The following GLIS3 variants were observed in gnomAD, a reference collection of about 807,000 sequenced individuals.
GLIS3 encodes zinc finger protein GLIS3.
Under a neutral mutation model 78.6 loss-of-function variants are expected in GLIS3, and 53 were observed. The observed-to-expected ratio is 0.67, with a 90% CI of 0.54 to 0.85. The LOEUF (loss-of-function observed/expected upper bound fraction) is 0.85, where lower values mean the gene tolerates loss of function less well. Ranked by LOEUF, GLIS3 falls within the 40% of genes least tolerant of loss-of-function variation. The pLI is 0.00. For missense variants in GLIS3, 1,703 were observed against 1,231.1 expected (o/e 1.38, Z -5.74); for synonymous variants, 684 against 509.9 (o/e 1.34, Z -4.60).
At chr9:3,848,752 G>T (rs1054677233) in intron 9 of GLIS3, among the ~76,000 whole-genome samples, 1 of 152,152 alleles carries the variant, frequency 6.6e-6, no homozygotes, top group Non-Finnish European at 1.5e-5. Context: ...CTCTTTGGTG[G>T]GACAAGCCAT....
intron 2 of GLIS3, among the ~76,000 whole-genome samples, chr9:4,330,142 G>C (rs1047907719): frequency 2.6e-5 from 4 of 152,006 alleles, no homozygotes; most frequent in Non-Finnish European, 5.9e-5. Flanking sequence ...ACCCACATCA[G>C]AAATAATGGT....
At chr9:4,364,436 TTCAA>T in the GLIS3 span, among the ~76,000 whole-genome samples, 1,082 of 152,278 alleles carry the variant, frequency 7.1e-3, 17 homozygotes, top group African/African-American at 0.024. Context: ...GTTAAATTGC[TTCAA>T]TAAATGATAA....
intron 1 of GLIS3, among the ~76,000 whole-genome samples, chr9:4,295,765 A>G (rs1276725690): frequency 1.3e-5 from 2 of 152,338 alleles, no homozygotes; most frequent in Admixed American, 6.5e-5. Context: ...TTCCGTAAGG[A>G]TATTTCATCT....
Position 4,178,735 on chromosome 9 carries a change from T to C in GLIS3, c.389-52794A>G, listed in dbSNP as rs568380265. On this transcript the variant is annotated intron_variant, in intron 2 of 10. Transcript: ENST00000381971. ...CGTATAGAATTTTTCCTGATGTATATAGGTTGATCAGAAGTCTTTCACTGA... is the reference window on the plus strand; with the variant it reads ...CGTATAGAATTTTTCCTGATGTATACAGGTTGATCAGAAGTCTTTCACTGA... Among the ~76,000 whole-genome samples the C allele has an allele frequency of 9.2e-5, 14 of 152,334 alleles. No individual in the cohort carries two copies. The East Asian group carries it at 1.3e-3, about 15-fold the overall frequency.
intron 1 of GLIS3, among the ~76,000 whole-genome samples, chr9:4,289,751 G>T (rs996651805): frequency 6.6e-6 from 1 of 152,122 alleles, no homozygotes; most frequent in Non-Finnish European, 1.5e-5. Flanking sequence ...GGCATAGCTA[G>T]AGTTTTATAC....
intron 2 of GLIS3, 30 bp from the exon 3 acceptor site, chr9:4,125,971 A>G (rs1397173866): frequency 1.3e-6 from 2 of 1,541,350 alleles, no homozygotes; most frequent in Non-Finnish European, 1.8e-6. Flanking sequence ...GTTAGCTTTC[A>G]TGTCCCTTAC....
At chr9:4,306,730 C>G (rs1446066703) in intron 4 of GLIS3, among the ~76,000 whole-genome samples, 1 of 152,216 alleles carries the variant, frequency 6.6e-6, no homozygotes, top group African/African-American at 2.4e-5. Context: ...TGTTATGACT[C>G]CTACCTTGGA....
At chr9:4,203,709 GC>G (rs777764641) in intron 2 of GLIS3, among the ~76,000 whole-genome samples, 35 of 152,170 alleles carry the variant, frequency 2.3e-4, no homozygotes, top group Non-Finnish European at 3.7e-4. Flanking sequence ...GAACCTAGGT[GC>G]CCCCGTCAGT....
intron 4 of GLIS3, among the ~76,000 whole-genome samples, chr9:3,951,421 A>T (rs908506063): frequency 6.6e-6 from 1 of 151,992 alleles, no homozygotes; most frequent in Non-Finnish European, 1.5e-5. Flanking sequence ...CAAGGCATCC[A>T]TGAGCTACAG....
chr9:4,196,942 C>T (rs1185746024), intron 2 of GLIS3, among the ~76,000 whole-genome samples: 3 of 150,674 alleles, frequency 2.0e-5, no homozygotes, highest in Non-Finnish European at 3.0e-5. Flanking sequence ...CCGCTCCACC[C>T]CTAGGCAGAA....
the GLIS3 span, among the ~76,000 whole-genome samples, chr9:4,455,309 C>G: frequency 1.3e-5 from 2 of 152,104 alleles, no homozygotes; most frequent in African/African-American, 2.4e-5. Flanking sequence ...AATGTGTCAC[C>G]ACACTCTTTG....
chr9:4,297,202 C>A (rs1816611318), intron 1 of GLIS3, among the ~76,000 whole-genome samples: 1 of 152,144 alleles, frequency 6.6e-6, no homozygotes. Flanking sequence ...TGGCTTACTC[C>A]CAAGGCAGAA....
At chr9:3,988,963 T>C (rs937544380) in intron 4 of GLIS3, among the ~76,000 whole-genome samples, 26 of 152,150 alleles carry the variant, frequency 1.7e-4, no homozygotes, top group Admixed American at 2.0e-4. Flanking sequence ...GGGAAGAAGA[T>C]GAAAATACAG....
chr9:4,079,392 C>T (rs1158915951), intron 4 of GLIS3, among the ~76,000 whole-genome samples: 1 of 152,156 alleles, frequency 6.6e-6, no homozygotes, highest in Non-Finnish European at 1.5e-5. Context: ...ATGCTGCCTC[C>T]TTAAACTGCA....
chr9:4,247,170 G>C (rs7035186), intron 2 of GLIS3, among the ~76,000 whole-genome samples: 117,591 of 152,112 alleles, frequency 0.77, 46,484 homozygotes, highest in East Asian at 0.98. Context: ...AGTATCTCAA[G>C]TCTCCACAAA....
intron 4 of GLIS3, among the ~76,000 whole-genome samples, chr9:4,116,922 G>C (rs1831690187): frequency 6.6e-6 from 1 of 152,190 alleles, no homozygotes. Context: ...TCCCAAGGGT[G>C]ATGCCCTGTT....
At chr9:4,217,773 A>T (rs911488) in intron 2 of GLIS3, among the ~76,000 whole-genome samples, 2 of 152,124 alleles carry the variant, frequency 1.3e-5, no homozygotes, top group East Asian at 1.9e-4. Flanking sequence ...GGTCACTTTC[A>T]GCTGGCATCC....
the GLIS3 span, among the ~76,000 whole-genome samples, chr9:4,408,343 G>C: frequency 1.3e-5 from 2 of 151,762 alleles, no homozygotes; most frequent in Non-Finnish European, 2.9e-5. Flanking sequence ...GTTCACAAGA[G>C]CCAAGATTTG....
intron 4 of GLIS3, among the ~76,000 whole-genome samples, chr9:3,941,197 T>C (rs1815882099): frequency 6.6e-6 from 1 of 152,198 alleles, no homozygotes; most frequent in Non-Finnish European, 1.5e-5. Context: ...TAAAGCATTT[T>C]GCAGAATCTA....
Sources: gnomAD v4.1 joint callset for allele counts (sites outside exome capture counted in the v4.1 genomes callset) on GRCh38, gnomAD v4.1.1 for gene constraint, MANE v1.5 for transcripts, NCBI Gene and HGNC (gene_info 2026-07-23, HGNC 2026-07-21) for gene names.